PRKN: variants seen among roughly 807,000 people sequenced by gnomAD.
PRKN encodes parkin RBR E3 ubiquitin protein ligase, also known as E3 ubiquitin-protein ligase parkin.
A neutral mutation model predicts 59.5 loss-of-function variants in PRKN; 56 were observed. That is an observed-to-expected ratio of 0.94 (90% CI 0.76 to 1.18). The LOEUF (loss-of-function observed/expected upper bound fraction) is 1.18, where lower values mean the gene tolerates loss of function less well. Ranked by LOEUF, PRKN falls within the 50% of genes most tolerant of loss-of-function variation. The pLI is 0.00. For synonymous variants in PRKN, 250 were observed against 222.1 expected, an observed-to-expected ratio of 1.13 and a Z score of -1.12; for missense variants, 657 against 596.4, an observed-to-expected ratio of 1.10 and a Z score of -1.06.
chr6:161,961,547 C>G (rs899121069), intron 6 of PRKN, among the ~76,000 whole-genome samples: 33 of 152,290 alleles, frequency 2.2e-4, no homozygotes, highest in African/African-American at 7.9e-4. Flanking sequence ...GGTCCCTGTT[C>G]TACCACGATA....
At chr6:162,022,927 T>C (rs1179023073) in intron 5 of PRKN, among the ~76,000 whole-genome samples, 1 of 152,126 alleles carries the variant, frequency 6.6e-6, no homozygotes, top group African/African-American at 2.4e-5. Flanking sequence ...TTTTCCCCAT[T>C]GTTGATTTTT....
At chr6:162,339,521 G>T (rs1184590650) in intron 2 of PRKN, among the ~76,000 whole-genome samples, 1 of 129,248 alleles carries the variant, frequency 7.7e-6, no homozygotes, top group Non-Finnish European at 1.8e-5. Context: ...AGGTGGGGGG[G>T]TCAGCCCCCC....
chr6:162,692,295 C>A (rs1417641833), intron 1 of PRKN, among the ~76,000 whole-genome samples: 1 of 152,108 alleles, frequency 6.6e-6, no homozygotes, highest in Non-Finnish European at 1.5e-5. Flanking sequence ...TCAAACCACA[C>A]ACATTCTAAA....
At chr6:162,550,855 G>A (rs1190384805) in intron 1 of PRKN, among the ~76,000 whole-genome samples, 1 of 152,144 alleles carries the variant, frequency 6.6e-6, no homozygotes, top group Non-Finnish European at 1.5e-5. Context: ...CAGCCCACTG[G>A]AGTGGCGTGT....
chr6:161,874,006 A>C (rs1262560711), intron 6 of PRKN, among the ~76,000 whole-genome samples: 3 of 64,616 alleles, frequency 4.6e-5, no homozygotes, highest in Non-Finnish European at 9.1e-5. Context: ...TAATATATAA[A>C]ATATATATTA....
At chr6:162,661,198 T>G (rs1584001278) in intron 1 of PRKN, among the ~76,000 whole-genome samples, 1 of 151,880 alleles carries the variant, frequency 6.6e-6, no homozygotes, top group Admixed American at 6.6e-5. Flanking sequence ...GAGGCAAAGG[T>G]TGCAGTGAGC....
chr6:162,276,747 G>T (rs1042657105), intron 2 of PRKN, among the ~76,000 whole-genome samples: 7 of 151,430 alleles, frequency 4.6e-5, no homozygotes, highest in Non-Finnish European at 1.0e-4. Flanking sequence ...ACCTCTCTTA[G>T]ATAATTGATA....
intron 7 of PRKN, among the ~76,000 whole-genome samples, chr6:161,717,984 C>G: frequency 6.6e-6 from 1 of 152,202 alleles, no homozygotes; most frequent in East Asian, 1.9e-4. Context: ...TCCAGCAAAA[C>G]AGACGCATGG....
chr6:161,648,454 T>C (rs1784037653), intron 7 of PRKN, among the ~76,000 whole-genome samples: 1 of 152,158 alleles, frequency 6.6e-6, no homozygotes, highest in Non-Finnish European at 1.5e-5. Flanking sequence ...TAGGCTCATG[T>C]TTATAGGGGC....
intron 1 of PRKN, among the ~76,000 whole-genome samples, chr6:162,554,680 T>C (rs994631662): frequency 2.0e-5 from 3 of 151,994 alleles, no homozygotes; most frequent in Non-Finnish European, 4.4e-5. Context: ...TCAGGGGCTT[T>C]TACTAGAGCC....
At chr6:162,243,512 ATCT>A (rs2128092596) in intron 3 of PRKN, among the ~76,000 whole-genome samples, 1 of 152,290 alleles carries the variant, frequency 6.6e-6, no homozygotes, top group African/African-American at 2.4e-5. Flanking sequence ...TTGAAATTTT[ATCT>A]GTCAGTGTGA....
chr6:162,519,654 C>T (rs1778008129), intron 1 of PRKN, among the ~76,000 whole-genome samples: 1 of 152,072 alleles, frequency 6.6e-6, no homozygotes, highest in Admixed American at 6.6e-5. Flanking sequence ...CCACATGAAA[C>T]AAACCCATCT....
chr6:161,929,495 T>C (rs1375443726), intron 6 of PRKN, among the ~76,000 whole-genome samples: 1 of 151,792 alleles, frequency 6.6e-6, no homozygotes, highest in Non-Finnish European at 1.5e-5. Context: ...CTAAAATGTT[T>C]AGTTTTATGT....
At chr6:161,412,497 T>A (rs1261281646) in intron 9 of PRKN, among the ~76,000 whole-genome samples, 1 of 148,958 alleles carries the variant, frequency 6.7e-6, no homozygotes, top group East Asian at 2.1e-4. Context: ...CCTTCCTCAC[T>A]CATTCCTCCA....
intron 1 of PRKN, among the ~76,000 whole-genome samples, chr6:162,621,199 C>T (rs1782650053): frequency 1.3e-5 from 2 of 152,268 alleles, no homozygotes; most frequent in Non-Finnish European, 2.9e-5. Context: ...TTGTGCCTAG[C>T]TTTGGAAGAG....
At chr6:162,360,515 G>A (rs147435927) in intron 2 of PRKN, among the ~76,000 whole-genome samples, 82 of 152,130 alleles carry the variant, frequency 5.4e-4, no homozygotes, top group African/African-American at 1.6e-3. Context: ...GTCTACTCTC[G>A]ATACAGTCAG....
chr6:161,537,646 T>A (rs1583203721), intron 9 of PRKN, among the ~76,000 whole-genome samples: 1 of 151,978 alleles, frequency 6.6e-6, no homozygotes, highest in Non-Finnish European at 1.5e-5. Context: ...AGAGACGGGG[T>A]TTCACCATGT....
At chr6:162,579,679 T>A (rs1583843818) in intron 1 of PRKN, among the ~76,000 whole-genome samples, 1 of 150,552 alleles carries the variant, frequency 6.6e-6, no homozygotes, top group East Asian at 1.9e-4. Flanking sequence ...ACACACAGAT[T>A]CACACACACA....
chr6:162,325,825 G>T (rs905060332), intron 2 of PRKN, among the ~76,000 whole-genome samples: 6 of 152,024 alleles, frequency 3.9e-5, no homozygotes, highest in Non-Finnish European at 8.8e-5. Flanking sequence ...ATTTTCTTTA[G>T]GTAAAGAGTC....
Sources: allele counts gnomAD v4.1 joint callset (sites outside exome capture counted in the v4.1 genomes callset), GRCh38; gene constraint gnomAD v4.1.1; transcripts MANE v1.5; gene names NCBI Gene and HGNC (gene_info 2026-07-23, HGNC 2026-07-21).